AGFG1: variants seen among roughly 807,000 people sequenced by gnomAD.
AGFG1 encodes arf-GAP domain and FG repeat-containing protein 1.
AGFG1 carries 10 observed loss-of-function variants against 60.6 expected under a neutral mutation model. That is an observed-to-expected ratio of 0.16 (90% CI 0.10 to 0.28). AGFG1 has a LOEUF of 0.28. AGFG1 is among the 10% of genes least tolerant of loss of function. AGFG1 has a pLI of 1.00. For synonymous variants in AGFG1, 247 were observed against 242.9 expected (o/e 1.02, Z -0.16); for missense variants, 537 against 676.5 (o/e 0.79, Z 2.29).
chr2:227,508,394 T>C lies in AGFG1; in HGVS notation c.262-11554T>C, dbSNP rs188011308. On this transcript the variant is annotated intron_variant, in intron 2 of 12. Transcript: ENST00000310078. ...TCTTACTTCATATCAAGACAAAATA[T>C]AAAGTTCTTAATCATTTCTGAAGGT... The C allele has an allele frequency of 2.1e-3, 531 of 249,918 alleles. 4 individuals carry two copies. Among genetic ancestry groups the C allele is most frequent in the African/African-American group, 0.011 (501 of 45,112 alleles). 15.5% of individuals were successfully genotyped at this position (249,918 alleles called of 1,614,324 possible).
At chr2:227,517,752 G>A (rs1259183301) in intron 2 of AGFG1, among the ~76,000 whole-genome samples, 3 of 152,132 alleles carry the variant, frequency 2.0e-5, no homozygotes, top group Non-Finnish European at 2.9e-5. Context: ...CAGATACTAT[G>A]CTCTTTTCAT....
chr2:227,472,313 C>T lies in AGFG1; in HGVS notation c.-109C>T. On this transcript the variant is annotated 5_prime_UTR_variant, in exon 1 of 13. Transcript: ENST00000310078. Reference sequence around the variant, plus strand: ...CCGGGTCCGGCGCGGGCGGCGCGCGCAGACGGAGGGCGGCGGCCGCGGCCA... The same window carrying T: ...CCGGGTCCGGCGCGGGCGGCGCGCGTAGACGGAGGGCGGCGGCCGCGGCCA... The T allele has an allele frequency of 4.3e-6, 3 of 701,558 alleles. No individual in the cohort carries two copies. Among genetic ancestry groups the T allele is most frequent in the South Asian group, 6.1e-5 (1 of 16,388 alleles). 43.5% of individuals were successfully genotyped at this position (701,558 alleles called of 1,614,324 possible). A position where few individuals can be genotyped will look rare whatever the true frequency, so the allele number is the denominator to read the frequency against.
At chr2:227,476,092 A>G (rs948239752) in intron 1 of AGFG1, among the ~76,000 whole-genome samples, 11 of 152,112 alleles carry the variant, frequency 7.2e-5, no homozygotes, top group Non-Finnish European at 1.5e-5. Context: ...ACTGTCCTAT[A>G]TGCTTGAATG....
Position 227,543,505 on chromosome 2 carries a change from C to T in AGFG1, c.1378+6512C>T, listed in dbSNP as rs994715034. Among the ~76,000 whole-genome samples the T allele has an allele frequency of 3.5e-4, 53 of 152,176 alleles. 1 individual carries two copies. The highest frequency in any genetic ancestry group is 1.2e-3 in the African/African-American group (51 of 41,442). ...AATCCTGAGTTCTAATTTGATTGCA[C>T]TGTGGTCTGAGAGACAGTTTGTTAT... On this transcript the variant is annotated intron_variant, in intron 10 of 12. Transcript: ENST00000310078.
chr2:227,509,130 A>G (rs1342070503), intron 2 of AGFG1, among the ~76,000 whole-genome samples: 1 of 152,206 alleles, frequency 6.6e-6, no homozygotes, highest in Non-Finnish European at 1.5e-5. Context: ...ATGGATAAAG[A>G]TACATTTTAA....
At chr2:227,520,451 C>T (rs546042924) in intron 3 of AGFG1, among the ~76,000 whole-genome samples, 37 of 152,090 alleles carry the variant, frequency 2.4e-4, no homozygotes, top group Non-Finnish European at 5.1e-4. Context: ...CTTCTGTATA[C>T]TAGGCACTAT....
chr2:227,515,743 C>T (rs1246707137), intron 2 of AGFG1, among the ~76,000 whole-genome samples: 1 of 152,066 alleles, frequency 6.6e-6, no homozygotes, highest in Non-Finnish European at 1.5e-5. Flanking sequence ...AGTTCATTCT[C>T]TCCCTTTTTT....
intron 2 of AGFG1, among the ~76,000 whole-genome samples, chr2:227,517,809 G>A (rs1293623933): frequency 6.6e-6 from 1 of 152,162 alleles, no homozygotes; most frequent in Non-Finnish European, 1.5e-5. Flanking sequence ...TTGGAAACTC[G>A]TGGACTTGTT....
intron 10 of AGFG1, among the ~76,000 whole-genome samples, chr2:227,549,315 A>G (rs140042674): frequency 0.012 from 1,818 of 152,326 alleles, 27 homozygotes; most frequent in African/African-American, 0.022. Flanking sequence ...ATCCATGGAA[A>G]TATATTTTAG....
intron 1 of AGFG1, among the ~76,000 whole-genome samples, chr2:227,479,629 C>T (rs71431048): frequency 0.072 from 10,958 of 152,120 alleles, 523 homozygotes; most frequent in Admixed American, 0.11. Context: ...TGGAAATATT[C>T]GGGACTAGGT....
At chr2:227,531,598 T>A (rs1692162171) in intron 6 of AGFG1, among the ~76,000 whole-genome samples, 1 of 24,422 alleles carries the variant, frequency 4.1e-5, no homozygotes, top group Admixed American at 5.2e-4. Context: ...CCAGCTAAAT[T>A]TTTTTTTTTT....
chr2:227,477,629 C>CG (rs530113757), intron 1 of AGFG1, among the ~76,000 whole-genome samples: 43 of 151,934 alleles, frequency 2.8e-4, no homozygotes, highest in Non-Finnish European at 5.1e-4. Context: ...TTTTTTGAGA[C>CG]GGAGTTTCAC....
intron 2 of AGFG1, among the ~76,000 whole-genome samples, chr2:227,509,500 G>T (rs1168361000): frequency 6.6e-6 from 1 of 152,006 alleles, no homozygotes; most frequent in Non-Finnish European, 1.5e-5. Context: ...TCTTGATTTT[G>T]ATAATTGTGC....
Position 227,497,735 on chromosome 2 carries a change from G to GTTTTTTTTTTTTTTTTTT in AGFG1, c.261+6104_261+6121dup, listed in dbSNP as rs869114764. On this transcript the variant is annotated intron_variant, in intron 2 of 12. Transcript: ENST00000310078. ...GCCAAATGAGTTTCTTTCTTGTTTT[G>GTTTTTTTTTTTTTTTTTT]TTTTTTTTTTTTTTTTTTTTTTTTT... 4.6e-4 allele frequency among the ~76,000 whole-genome samples: 13 copies of GTTTTTTTTTTTTTTTTTT among 28,016 alleles called. 4 individuals carry two copies. Among genetic ancestry groups the GTTTTTTTTTTTTTTTTTT allele is most frequent in the African/African-American group, 6.3e-4 (5 of 7,900 alleles). The allele number at this position is 28,016 out of a possible 152,430, so 18.4% of individuals were successfully genotyped here.
chr2:227,484,252 G>C (rs1216088742), intron 1 of AGFG1, among the ~76,000 whole-genome samples: 1 of 152,034 alleles, frequency 6.6e-6, no homozygotes, highest in African/African-American at 2.4e-5. Flanking sequence ...GCAGTGGCGT[G>C]ATCTCGGCTC....
intron 2 of AGFG1, among the ~76,000 whole-genome samples, chr2:227,516,369 A>T (rs185303097): frequency 3.3e-5 from 5 of 152,344 alleles, no homozygotes; most frequent in African/African-American, 4.8e-5. Flanking sequence ...TCACTTGAGT[A>T]AGAATTCAAC....
intron 2 of AGFG1, among the ~76,000 whole-genome samples, chr2:227,518,397 C>T (rs781356029): frequency 3.3e-5 from 5 of 152,098 alleles, no homozygotes; most frequent in Non-Finnish European, 7.4e-5. Context: ...GTGCTTACAC[C>T]ATTTTACATT....
intron 10 of AGFG1, among the ~76,000 whole-genome samples, chr2:227,548,379 A>T (rs1692715322): frequency 1.3e-5 from 2 of 152,246 alleles, no homozygotes; most frequent in South Asian, 4.1e-4. Context: ...GTCTAAAAAA[A>T]GTTTAGAGCA....
chr2:227,533,535 T>C lies in AGFG1; in HGVS notation c.815-14T>C, dbSNP rs774259530. ...AGCTTAGAAATTTCAAGTGCTCTGT[T>C]TATTCTGTTACAGGTGGAAGTGCTG... is the stretch of plus-strand genomic sequence containing the variant. On this transcript the variant is annotated splice_polypyrimidine_tract_variant and intron_variant, in intron 6 of 12. Coordinates refer to ENST00000310078, the MANE Select transcript of AGFG1 (RefSeq NM_004504.5). 6.2e-6 allele frequency: 10 copies of C among 1,611,714 alleles called. No individual in the cohort carries two copies. Among genetic ancestry groups the C allele is most frequent in the Non-Finnish European group, 7.6e-6 (9 of 1,178,086 alleles).
Sources: gnomAD v4.1 joint callset for allele counts (sites outside exome capture counted in the v4.1 genomes callset) on GRCh38, gnomAD v4.1.1 for gene constraint, MANE v1.5 for transcripts, NCBI Gene and HGNC (gene_info 2026-07-23, HGNC 2026-07-21) for gene names.